KIAA0040: variants seen among roughly 807,000 people sequenced by gnomAD.
KIAA0040 encodes the protein KIAA0040.
KIAA0040 carries 10 observed loss-of-function variants against 7.2 expected under a neutral mutation model. That is an observed-to-expected ratio of 1.38 (90% CI 0.85 to 2.34). The LOEUF (loss-of-function observed/expected upper bound fraction) is 2.34, where lower values mean the gene tolerates loss of function less well. Among genes scored for constraint, KIAA0040 ranks in the 30% most tolerant of loss-of-function variants. The probability of loss-of-function intolerance (pLI) is 0.00; values close to 1 mark genes in which losing one functional copy is unlikely to be tolerated. For synonymous variants in KIAA0040, 49 were observed against 40.1 expected, an observed-to-expected ratio of 1.22 and a Z score of -0.84; for missense variants, 89 against 108.2, an observed-to-expected ratio of 0.82 and a Z score of 0.79.
intron 3 of KIAA0040, among the ~76,000 whole-genome samples, chr1:175,165,043 G>T (rs1184649006): frequency 1.3e-5 from 2 of 152,224 alleles, no homozygotes; most frequent in Non-Finnish European, 2.9e-5. Flanking sequence ...GGCTGTGGGG[G>T]TGGACGAGAG....
At chr1:175,178,965 C>T (rs1403274908) in intron 1 of KIAA0040, among the ~76,000 whole-genome samples, 12 of 25,322 alleles carry the variant, frequency 4.7e-4, no homozygotes, top group Admixed American at 1.3e-3. Context: ...GAGTGGGGGA[C>T]GGGGCGGGGG....
chr1:175,173,387 C>G (rs1419634611), intron 2 of KIAA0040, among the ~76,000 whole-genome samples: 3 of 152,196 alleles, frequency 2.0e-5, no homozygotes, highest in African/African-American at 7.2e-5. Context: ...GTGTGCAACT[C>G]TGTGTGTGGA....
intron 2 of KIAA0040, among the ~76,000 whole-genome samples, chr1:175,167,610 C>G (rs1464539275): frequency 1.3e-5 from 2 of 152,078 alleles, no homozygotes; most frequent in Non-Finnish European, 2.9e-5. Context: ...ATGTGGATTT[C>G]ATAAAGAACA....
At chr1:175,166,330 T>C (rs1004971756) in intron 3 of KIAA0040, among the ~76,000 whole-genome samples, 8 of 152,102 alleles carry the variant, frequency 5.3e-5, no homozygotes, top group African/African-American at 1.9e-4. Flanking sequence ...ATTTAAGGAG[T>C]TAAAAATACA....
In KIAA0040 at chr1:175,160,183, G is replaced by T. The variant is rs371824921; in HGVS notation, c.*531C>A. The T allele has an allele frequency of 1.8e-4, 28 of 155,726 alleles. No homozygotes were observed. Among genetic ancestry groups the T allele is most frequent in the Non-Finnish European group, 3.6e-4 (25 of 69,440 alleles). The allele number at this position is 155,726 out of a possible 1,614,324, so 9.6% of individuals were successfully genotyped here. A position where few individuals can be genotyped will look rare whatever the true frequency, so the allele number is the denominator to read the frequency against. ...ACCTGAGTGGTTTATGGAATAGATGGTGTATGGGGGCCTTGCTGGTTAGGA... is the reference window on the plus strand; with the variant it reads ...ACCTGAGTGGTTTATGGAATAGATGTTGTATGGGGGCCTTGCTGGTTAGGA... On this transcript the variant is annotated 3_prime_UTR_variant, in exon 4 of 4. Transcript: ENST00000423313.
intron 3 of KIAA0040, among the ~76,000 whole-genome samples, chr1:175,164,982 AT>A (rs1558389835): frequency 6.6e-6 from 1 of 152,198 alleles, no homozygotes; most frequent in Non-Finnish European, 1.5e-5. Flanking sequence ...TAATTCATCT[AT>A]TTTTGTAAGA....
chr1:175,184,531 G>A (rs1326088702), intron 1 of KIAA0040, among the ~76,000 whole-genome samples: 1 of 152,216 alleles, frequency 6.6e-6, no homozygotes, highest in Non-Finnish European at 1.5e-5. Flanking sequence ...TTTTGAGAAA[G>A]TCTATGAGTT....
At position 175,160,816 on chromosome 1, in the gene KIAA0040, C is replaced by T. The variant is rs202239690; in HGVS notation, c.198G>A (p.Lys66=). Residue 66 remains lysine, a synonymous_variant, in exon 4 of 4, where the codon AAG becomes AAA. Transcript: ENST00000423313. ...TCTTCTTCTTCTTCTTCTTCTTCTT[C>T]TTGTTCTTCTCTGGCTGCTGGCCCC... ...GKRGQQPEKN[K]KKKKKKKKKD... is the part of the protein sequence containing the mutation. 3.6e-6 allele frequency: 2 copies of T among 551,898 alleles called. No homozygotes were observed. Among genetic ancestry groups the T allele is most frequent in the Non-Finnish European group, 5.5e-6 (2 of 363,826 alleles). The allele number at this position is 551,898 out of a possible 1,614,324, so 34.2% of individuals were successfully genotyped here. A position where few individuals can be genotyped will look rare whatever the true frequency, so the allele number is the denominator to read the frequency against.
At chr1:175,171,301 T>C (rs1571198287) in intron 2 of KIAA0040, among the ~76,000 whole-genome samples, 1 of 152,232 alleles carries the variant, frequency 6.6e-6, no homozygotes, top group Admixed American at 6.5e-5. Context: ...CACGCTGGTT[T>C]CCACCTTTAC....
intron 1 of KIAA0040, among the ~76,000 whole-genome samples, chr1:175,189,753 T>A (rs914508605): frequency 6.6e-6 from 1 of 152,222 alleles, no homozygotes; most frequent in Non-Finnish European, 1.5e-5. Flanking sequence ...ATGTAGCACA[T>A]TAAATGTACT....
At chr1:175,162,147 C>T (rs1558388314) in intron 3 of KIAA0040, among the ~76,000 whole-genome samples, 1 of 152,194 alleles carries the variant, frequency 6.6e-6, no homozygotes, top group African/African-American at 2.4e-5. Flanking sequence ...GTCTTAGAGG[C>T]TGCCTTCCAT....
At chr1:175,187,574 C>T (rs774537794) in intron 1 of KIAA0040, among the ~76,000 whole-genome samples, 8 of 152,314 alleles carry the variant, frequency 5.3e-5, no homozygotes, top group South Asian at 4.1e-4. Flanking sequence ...GCTCTTGACT[C>T]AGAGTGCAGC....
chr1:175,183,262 C>T (rs114563308), intron 1 of KIAA0040, among the ~76,000 whole-genome samples: 1,765 of 152,256 alleles, frequency 0.012, 29 homozygotes, highest in African/African-American at 0.039. Flanking sequence ...CTGGGTATCC[C>T]CAGGGTCTGG....
At chr1:175,163,714 T>G (rs753079045) in intron 3 of KIAA0040, among the ~76,000 whole-genome samples, 1 of 152,242 alleles carries the variant, frequency 6.6e-6, no homozygotes, top group Non-Finnish European at 1.5e-5. Context: ...CTTTGGGTGC[T>G]TTTCTTTAAT....
chr1:175,164,333 T>G (rs1676667034), intron 3 of KIAA0040, among the ~76,000 whole-genome samples: 1 of 152,202 alleles, frequency 6.6e-6, no homozygotes, highest in Admixed American at 6.5e-5. Context: ...ATGACAAAGA[T>G]ATGGTTTCTG....
At chr1:175,174,415 G>A (rs1185292290) in intron 2 of KIAA0040, among the ~76,000 whole-genome samples, 1 of 152,202 alleles carries the variant, frequency 6.6e-6, no homozygotes, top group Non-Finnish European at 1.5e-5. Flanking sequence ...CCCTCTCCTA[G>A]TCCCAGTTCA....
At chr1:175,192,048 G>A (rs1453396803) in intron 1 of KIAA0040, among the ~76,000 whole-genome samples, 2 of 152,112 alleles carry the variant, frequency 1.3e-5, no homozygotes, top group Non-Finnish European at 2.9e-5. Context: ...GTCCTATTAT[G>A]TCCCCCACTC....
chr1:175,162,057 C>T (rs1676563675), intron 3 of KIAA0040, among the ~76,000 whole-genome samples: 1 of 152,110 alleles, frequency 6.6e-6, no homozygotes, highest in Admixed American at 6.6e-5. Context: ...GGGCCATTCT[C>T]CTGGTTGCTT....
In KIAA0040 at chr1:175,160,711, TAACTA is replaced by T. The variant is rs1361949746; in HGVS notation, c.298_*2del. The T allele has an allele frequency of 6.5e-7, 1 of 1,543,518 alleles. No individual in the cohort carries two copies. The highest frequency in any genetic ancestry group is 2.0e-5 in the Admixed American group (1 of 49,932). On this transcript the variant is annotated stop_lost and 3_prime_UTR_variant, in exon 4 of 4. Transcript: ENST00000423313. ...AAAGGAAACACCTCTGCTTCCTGCCTAACTAAACAGGCAGTGATGGTCTCTTCTCC... is the reference window on the plus strand; with the variant it reads ...AAAGGAAACACCTCTGCTTCCTGCCTAACAGGCAGTGATGGTCTCTTCTCC...
Sources: gnomAD v4.1 joint callset for allele counts (sites outside exome capture counted in the v4.1 genomes callset) on GRCh38, gnomAD v4.1.1 for gene constraint, MANE v1.5 for transcripts, NCBI Gene and HGNC (gene_info 2026-07-23, HGNC 2026-07-21) for gene names.